ANK2: variants seen among roughly 807,000 people sequenced by gnomAD.
ANK2 encodes ankyrin 2.
Under a neutral mutation model 360.5 loss-of-function variants are expected in ANK2, and 83 were observed. That is an observed-to-expected ratio of 0.23 (90% confidence interval 0.19 to 0.28). ANK2 has a LOEUF of 0.28. Ranked by LOEUF, ANK2 falls within the 10% of genes least tolerant of loss-of-function variation. The probability of loss-of-function intolerance (pLI) is 1.00; values close to 1 mark genes in which losing one functional copy is unlikely to be tolerated. For synonymous variants in ANK2, 1,740 were observed against 1,759.5 expected (o/e 0.99, Z 0.28); for missense variants, 4,201 against 4,795.7 (o/e 0.88, Z 3.66).
chr4:112,821,211 G>A (rs1233768379), intron 1 of ANK2, among the ~76,000 whole-genome samples: 1 of 151,974 alleles, frequency 6.6e-6, no homozygotes, highest in Non-Finnish European at 1.5e-5. Flanking sequence ...CACCCCGCCC[G>A]GCCCCTTAAA....
At chr4:113,116,298 C>G (rs1035889638) in intron 1 of ANK2, among the ~76,000 whole-genome samples, 2 of 152,180 alleles carry the variant, frequency 1.3e-5, no homozygotes, top group African/African-American at 4.8e-5. Flanking sequence ...GTGGTGCCTG[C>G]TTTCCTCTTT....
At chr4:112,818,188 C>T (rs1459682795) in exon 1 of ANK2, 1 of 152,254 alleles carries the variant, frequency 6.6e-6, no homozygotes, top group Admixed American at 6.5e-5. Flanking sequence ...GCTGGGGGCT[C>T]TCCGAATTGC....
chr4:113,104,652 T>C (rs56070938), intron 1 of ANK2, among the ~76,000 whole-genome samples: 72,557 of 151,842 alleles, frequency 0.48, 17,544 homozygotes, highest in Admixed American at 0.56. Flanking sequence ...GAGGCAGAGG[T>C]TGCAGTTAGC....
In ANK2 at chr4:113,087,870, T is replaced by G. The variant is rs867936243; in HGVS notation, c.84+38058T>G. ...AATGGCTGTTATTATTGTTTAAAAT[T>G]TATTCACTTCATTGTCTTGCAACTA... On this transcript the variant is annotated intron_variant, in intron 1 of 45. Coordinates refer to ENST00000357077, the MANE Select transcript of ANK2 (RefSeq NM_001148.6). Among the ~76,000 whole-genome samples the G allele has an allele frequency of 4.5e-4, 69 of 152,282 alleles. No homozygotes were observed. The Middle Eastern group carries it at 0.01, about 23-fold the overall frequency.
chr4:112,976,665 CT>C lies in ANK2; in HGVS notation c.21+72164del, dbSNP rs917998528. ...TAAGGTGATATTCATGCTGTATTTG[CT>C]TTTTTTTTTTTTCCTAAAGACATCC... is the stretch of plus-strand genomic sequence containing the variant. On this transcript the variant is annotated intron_variant, in intron 2 of 30. Transcript: ENST00000503271. 2.9e-3 allele frequency among the ~76,000 whole-genome samples: 410 copies of C among 142,604 alleles called. 1 individual carries two copies. Among genetic ancestry groups the C allele is most frequent in the East Asian group, 8.6e-3 (43 of 5,006 alleles). The allele number at this position is 142,604 out of a possible 152,430, so 93.6% of individuals were successfully genotyped here.
At chr4:113,342,975 A>G (rs1178341187) in intron 33 of ANK2, 42 bp from the exon 34 acceptor site, 43 of 1,611,862 alleles carry the variant, frequency 2.7e-5, no homozygotes, top group Non-Finnish European at 3.6e-5. Context: ...AACAAGTATA[A>G]TTGCAGCTAC....
chr4:113,278,619 A>G (rs1158589132), intron 17 of ANK2, 61 bp downstream of exon 17: 4 of 1,523,162 alleles, frequency 2.6e-6, no homozygotes, highest in Middle Eastern at 3.4e-4. Flanking sequence ...AAAACACATG[A>G]GAATTGTCTT....
intron 2 of ANK2, among the ~76,000 whole-genome samples, chr4:112,934,301 T>A (rs1317650475): frequency 6.6e-6 from 1 of 152,148 alleles, no homozygotes; most frequent in Admixed American, 6.5e-5. Context: ...AGAGCCGTGC[T>A]AAGGTGTTTC....
chr4:112,855,393 C>T (rs1238237284), intron 1 of ANK2, among the ~76,000 whole-genome samples: 1 of 152,218 alleles, frequency 6.6e-6, no homozygotes, highest in African/African-American at 2.4e-5. Flanking sequence ...GCCTGGGCAG[C>T]CTAATCTATA....
chr4:113,301,685 CT>C (rs1459136827), intron 22 of ANK2, among the ~76,000 whole-genome samples: 1 of 152,122 alleles, frequency 6.6e-6, no homozygotes, highest in Non-Finnish European at 1.5e-5. Context: ...CTATTCTGTG[CT>C]TCTGTGAGTT....
intron 29 of ANK2, among the ~76,000 whole-genome samples, chr4:113,333,962 AC>A (rs2093039133): frequency 6.6e-6 from 1 of 152,038 alleles, no homozygotes; most frequent in African/African-American, 2.4e-5. Flanking sequence ...AAGGTCCTAG[AC>A]CTAATAGTAG....
chr4:113,139,031 A>G (rs1582791995), intron 1 of ANK2, among the ~76,000 whole-genome samples: 2 of 152,208 alleles, frequency 1.3e-5, no homozygotes, highest in African/African-American at 4.8e-5. Context: ...GAGGTTGATT[A>G]TAAATGATCA....
intron 1 of ANK2, among the ~76,000 whole-genome samples, chr4:113,138,536 G>A (rs1454606372): frequency 1.3e-5 from 2 of 152,160 alleles, no homozygotes; most frequent in Admixed American, 6.5e-5. Context: ...ACTTAGGTTT[G>A]TTATTGACTG....
At chr4:113,178,212 C>G (rs534505698) in intron 2 of ANK2, among the ~76,000 whole-genome samples, 3 of 151,912 alleles carry the variant, frequency 2.0e-5, no homozygotes, top group Non-Finnish European at 2.9e-5. Context: ...TAGCTATGAT[C>G]GTGCCACTGT....
At position 113,249,758 on chromosome 4, in the gene ANK2, T is replaced by C. The variant is rs1403179996; in HGVS notation, c.892-6T>C. On this transcript the variant is annotated splice_polypyrimidine_tract_variant and splice_region_variant and intron_variant, in intron 9 of 45. Transcript: ENST00000357077. Reference sequence around the variant, plus strand: ...CTTGGGCCTAATTCTTTAATTCTTTTGGCAGGATGGGTTGACACCACTTCA... The same window carrying C: ...CTTGGGCCTAATTCTTTAATTCTTTCGGCAGGATGGGTTGACACCACTTCA... 6.2e-7 allele frequency: 1 copy of C among 1,613,956 alleles called. No homozygotes were observed.
chr4:112,738,407 T>C, the ANK2 span, among the ~76,000 whole-genome samples: 1 of 138,270 alleles, frequency 7.2e-6, no homozygotes, highest in Non-Finnish European at 1.5e-5. Context: ...AGTGAGAGTC[T>C]GTCTCAAAAA....
intron 43 of ANK2, among the ~76,000 whole-genome samples, chr4:113,371,139 AT>A (rs2096724534): frequency 4.6e-5 from 7 of 152,220 alleles, no homozygotes. Context: ...AATAATTGAA[AT>A]TTTGGGGGGC....
the ANK2 span, chr4:112,738,967 G>A: frequency 1.4e-6 from 1 of 706,314 alleles, no homozygotes. Flanking sequence ...TGGAAGTGCT[G>A]CTGATGTGCA....
intron 2 of ANK2, among the ~76,000 whole-genome samples, chr4:112,931,317 G>A (rs891032800): frequency 2.6e-5 from 4 of 151,952 alleles, no homozygotes; most frequent in Admixed American, 6.6e-5. Context: ...CCATTTTATC[G>A]TAGACTCAAA....
Sources: gnomAD v4.1 joint callset for allele counts (sites outside exome capture counted in the v4.1 genomes callset) on GRCh38, gnomAD v4.1.1 for gene constraint, MANE v1.5 for transcripts, NCBI Gene and HGNC (gene_info 2026-07-23, HGNC 2026-07-21) for gene names.